PCDHGA11: variants seen among roughly 807,000 people sequenced by gnomAD.
The protein encoded by PCDHGA11 is protocadherin gamma subfamily A, 11, also known as protocadherin gamma-A11.
PCDHGA11 carries 39 observed loss-of-function variants against 60.4 expected under a neutral mutation model. The ratio of observed to expected loss-of-function variants is 0.65; its 90% CI spans 0.50 to 0.84. PCDHGA11 has a LOEUF of 0.84. Among genes scored for constraint, PCDHGA11 ranks in the 40% least tolerant of loss-of-function variants. PCDHGA11 has a pLI of 0.00. For synonymous variants in PCDHGA11, 533 were observed against 510.3 expected (o/e 1.04, Z -0.60); for missense variants, 1,165 against 1,197.7 (o/e 0.97, Z 0.40).
chr5:141,462,646 A>G (rs1371582710), intron 1 of PCDHGA11, among the ~76,000 whole-genome samples: 1 of 137,316 alleles, frequency 7.3e-6, no homozygotes, highest in Non-Finnish European at 1.5e-5. Flanking sequence ...TTTCATTTCC[A>G]TCCTCAATTA....
chr5:141,431,719 A>G lies in PCDHGA11; in HGVS notation c.2433+8059A>G. On this transcript the variant is annotated intron_variant, in intron 1 of 3. Transcript: ENST00000398587. This position sits in a 1 kb window ranked among gnomAD's most constrained non-coding sequence, Gnocchi z 4.8. ...CAGGATTCTACCAGATGGAAGTGCA[A>G]GCAATGGATAATGCAGGATATTCTG... 6.2e-7 allele frequency: 1 copy of G among 1,614,244 alleles called. No individual in the cohort carries two copies. Among genetic ancestry groups the G allele is most frequent in the Non-Finnish European group, 8.5e-7 (1 of 1,180,050 alleles).
intron 1 of PCDHGA11, among the ~76,000 whole-genome samples, chr5:141,457,155 A>G (rs1403164805): frequency 1.3e-5 from 2 of 152,216 alleles, no homozygotes; most frequent in Admixed American, 6.5e-5. Flanking sequence ...AGAAGGTGCT[A>G]CCATGGATAA....
Position 141,421,433 on chromosome 5 carries a change from C to T in PCDHGA11, c.206C>T (p.Ser69Phe). 6.2e-7 allele frequency: 1 copy of T among 1,614,074 alleles called. No homozygotes were observed. Among genetic ancestry groups the T allele is most frequent in the African/African-American group, 1.3e-5 (1 of 75,084 alleles). The change falls in exon 1 of 4, where the codon TCC (serine) becomes TTC (phenylalanine). Residue 69 changes from serine (S) to phenylalanine (F), a missense_variant. Physicochemically the swap from Ser to Phe is radical, Grantham distance 155. Coordinates refer to ENST00000398587, the MANE Select transcript of PCDHGA11 (RefSeq NM_018914.3). ...GCGAAGCGCGGAGTCCGCATCGTCT[C>T]CAGAGGGAAGACACAGCTTTTCGCT... ...ELAKRGVRIV[S>F]RGKTQLFAVN...
chr5:141,450,491 G>C (rs1264524088), intron 1 of PCDHGA11, among the ~76,000 whole-genome samples: 1 of 151,896 alleles, frequency 6.6e-6, no homozygotes, highest in Non-Finnish European at 1.5e-5. Context: ...TTGTTTGTCT[G>C]TTTGTTTGTT....
At chr5:141,441,404 C>T (rs1231257776) in intron 1 of PCDHGA11, 1 of 155,262 alleles carries the variant, frequency 6.4e-6, no homozygotes, top group Admixed American at 6.5e-5. Context: ...ATCAGCATCA[C>T]TGCCACTGAC....
At chr5:141,470,485 GAAT>G (rs2099231720) in intron 1 of PCDHGA11, among the ~76,000 whole-genome samples, 1 of 152,074 alleles carries the variant, frequency 6.6e-6, no homozygotes, top group Admixed American at 6.6e-5. Context: ...AACCCTCTGG[GAAT>G]AATATTAGGT....
intron 1 of PCDHGA11, among the ~76,000 whole-genome samples, chr5:141,469,716 A>G (rs1189597018): frequency 3.9e-5 from 6 of 152,260 alleles, no homozygotes; most frequent in African/African-American, 1.4e-4. Context: ...CACTATTAGG[A>G]ATTTATCATA....
At chr5:141,460,926 G>A (rs1180507724) in intron 1 of PCDHGA11, among the ~76,000 whole-genome samples, 4 of 145,540 alleles carry the variant, frequency 2.7e-5, no homozygotes, top group African/African-American at 2.6e-5. Flanking sequence ...ATATATATAT[G>A]TGTGTGTGTA....
intron 2 of PCDHGA11, among the ~76,000 whole-genome samples, chr5:141,500,421 G>A (rs1247202322): frequency 6.6e-6 from 1 of 151,852 alleles, no homozygotes; most frequent in Non-Finnish European, 1.5e-5. Flanking sequence ...GTGTTAGCCA[G>A]GATGGTCTCG....
chr5:141,432,681 G>A lies in PCDHGA11; in HGVS notation c.2433+9021G>A, dbSNP rs147073234. 2.4e-3 allele frequency: 3,845 copies of A among 1,613,930 alleles called. 12 individuals carry two copies. Among genetic ancestry groups the A allele is most frequent in the Admixed American group, 6.0e-3 (358 of 60,016 alleles). On this transcript the variant is annotated intron_variant, in intron 1 of 3. Coordinates refer to ENST00000398587, the MANE Select transcript of PCDHGA11 (RefSeq NM_018914.3). This position sits in a 1 kb window ranked among gnomAD's most constrained non-coding sequence, Gnocchi z 6.0. Reference sequence around the variant, plus strand: ...CTGGACAGAGACGCGCTCAAGCAGAGCCTCGTAGTGGCCGTCCAGGACCAC... The same window carrying A: ...CTGGACAGAGACGCGCTCAAGCAGAACCTCGTAGTGGCCGTCCAGGACCAC...
chr5:141,423,368 C>A lies in PCDHGA11; in HGVS notation c.2141C>A (p.Ala714Glu). Residue 714 changes from alanine to glutamate, a missense_variant, in exon 1 of 4, where the codon GCA becomes GAA. Physicochemically the swap from Ala to Glu is moderately radical, Grantham distance 107. Coordinates refer to ENST00000398587, the MANE Select transcript of PCDHGA11 (RefSeq NM_018914.3). ...IFLVFVIVLL[A>E]LRLWRWHKSR... is the part of the protein sequence containing the mutation. ...CTGGTCTTTGTCATCGTGCTGCTGG[C>A]ACTCAGGCTGTGGCGCTGGCATAAG... 3.1e-6 allele frequency: 5 copies of A among 1,614,200 alleles called. No individual in the cohort carries two copies. Among genetic ancestry groups the A allele is most frequent in the Non-Finnish European group, 4.2e-6 (5 of 1,180,012 alleles).
Position 141,477,686 on chromosome 5 carries a change from C to T in PCDHGA11, c.2434-17121C>T, listed in dbSNP as rs201090822. Reference sequence around the variant, plus strand: ...CAATGGCATAGTGTCATCCTTAGTGCCCCTAGACTATGAGGATCGGCGGGA... The same window carrying T: ...CAATGGCATAGTGTCATCCTTAGTGTCCCTAGACTATGAGGATCGGCGGGA... On this transcript the variant is annotated intron_variant, in intron 1 of 3. Coordinates refer to ENST00000398587, the MANE Select transcript of PCDHGA11 (RefSeq NM_018914.3). This position sits in a 1 kb window ranked among gnomAD's most constrained non-coding sequence, Gnocchi z 4.9. The T allele has an allele frequency of 4.3e-6, 7 of 1,614,024 alleles. No homozygotes were observed. The highest frequency in any genetic ancestry group is 1.6e-4 in the Middle Eastern group (1 of 6,084).
chr5:141,505,317 G>A, intron 2 of PCDHGA11, 76 bp from the exon 3 acceptor site: 1 of 1,603,092 alleles, frequency 6.2e-7, no homozygotes, highest in Non-Finnish European at 8.5e-7. Flanking sequence ...AGGTTTGGGA[G>A]CCCTGGGAGA....
At chr5:141,482,116 T>C (rs1017195289) in intron 1 of PCDHGA11, among the ~76,000 whole-genome samples, 4 of 150,222 alleles carry the variant, frequency 2.7e-5, no homozygotes, top group South Asian at 2.1e-4. Context: ...TATCTAGAGA[T>C]GGGAGAATCA....
intron 1 of PCDHGA11, among the ~76,000 whole-genome samples, chr5:141,492,670 C>T (rs567661944): frequency 6.6e-6 from 1 of 152,344 alleles, no homozygotes; most frequent in South Asian, 2.1e-4. Context: ...CCCGGGACTC[C>T]GTCTCAAGGG....
intron 1 of PCDHGA11, chr5:141,478,169 G>A (rs2099436111): frequency 1.2e-6 from 2 of 1,613,716 alleles, no homozygotes; most frequent in Admixed American, 1.7e-5. Flanking sequence ...TGCCCCCCGG[G>A]AGCAGAAAAA....
At chr5:141,501,287 T>C (rs1025193070) in intron 2 of PCDHGA11, among the ~76,000 whole-genome samples, 1 of 96,980 alleles carries the variant, frequency 1.0e-5, no homozygotes, top group African/African-American at 4.2e-5. Context: ...GGATATTCCC[T>C]TATACACACA....
At chr5:141,497,209 TG>T (rs11343387) in intron 2 of PCDHGA11, among the ~76,000 whole-genome samples, 90,704 of 151,262 alleles carry the variant, frequency 0.6, 29,397 homozygotes, top group African/African-American at 0.86. Context: ...GTGAGTGTAA[TG>T]GGGGGGGGAA....
At chr5:141,478,011 G>T (rs1216659966) in intron 1 of PCDHGA11, 1 of 1,614,088 alleles carries the variant, frequency 6.2e-7, no homozygotes, top group Non-Finnish European at 8.5e-7. Flanking sequence ...AGTACTGCCC[G>T]TCCAGTCCAA....
Sources: gnomAD v4.1 joint callset for allele counts (sites outside exome capture counted in the v4.1 genomes callset) on GRCh38, gnomAD v4.1.1 for gene constraint, Gnocchi (gnomAD v3.1) non-coding constraint, MANE v1.5 for transcripts, NCBI Gene and HGNC (gene_info 2026-07-23, HGNC 2026-07-21) for gene names.